TMEM229B: variants seen among roughly 807,000 people sequenced by gnomAD.
TMEM229B encodes the protein chromosome 14 open reading frame 83.
Under a neutral mutation model 13.7 loss-of-function variants are expected in TMEM229B, and 6 were observed. That is an observed-to-expected ratio of 0.44 (90% confidence interval 0.24 to 0.86). The LOEUF (loss-of-function observed/expected upper bound fraction) is 0.86, where lower values mean the gene tolerates loss of function less well. TMEM229B is among the 40% of genes least tolerant of loss of function. The pLI is 0.23. For synonymous variants in TMEM229B, 107 were observed against 102.1 expected (o/e 1.05, Z -0.29); for missense variants, 170 against 236.0 (o/e 0.72, Z 1.83).
chr14:67,470,965 A>C lies in TMEM229B; in HGVS notation c.*2455T>G, dbSNP rs1381229456. On this transcript the variant is annotated 3_prime_UTR_variant, in exon 3 of 3. Transcript: ENST00000554480. ...AAGGGATTGGGGCCCTGATACCCAAAAAAGCAAGAATTGAAGTCTGGGCTA... is the reference window on the plus strand; with the variant it reads ...AAGGGATTGGGGCCCTGATACCCAACAAAGCAAGAATTGAAGTCTGGGCTA... 3 of 152,214 alleles carry C rather than the reference A, an allele frequency of 2.0e-5. No homozygotes were observed. The highest frequency in any genetic ancestry group is 2.9e-5 in the Non-Finnish European group (2 of 68,064). 9.4% of individuals were successfully genotyped at this position (152,214 alleles called of 1,614,324 possible). A position where few individuals can be genotyped will look rare whatever the true frequency, so the allele number is the denominator to read the frequency against.
At chr14:67,497,435 C>T (rs573168740) in intron 1 of TMEM229B, among the ~76,000 whole-genome samples, 5 of 152,008 alleles carry the variant, frequency 3.3e-5, no homozygotes, top group African/African-American at 9.7e-5. Flanking sequence ...GAAGAACTGA[C>T]GGGCAGCTCC....
In TMEM229B at chr14:67,528,784, T is replaced by C. The variant is rs117140402; in HGVS notation, c.-192+4852A>G. On this transcript the variant is annotated intron_variant, in intron 1 of 2. Coordinates refer to the TMEM229B transcript ENST00000554278. ...AATTACATCAGTTCCGCCCTGGCAG[T>C]TGCTCTCTGAGAAAAATCACTCAAG... is the stretch of plus-strand genomic sequence containing the variant. Among the ~76,000 whole-genome samples the C allele has an allele frequency of 4.5e-3, 687 of 152,260 alleles. 21 individuals are homozygous for C. The East Asian group carries it at 0.065, about 14-fold the overall frequency.
chr14:67,480,073 T>C lies in TMEM229B; in HGVS notation c.-18-6132A>G, dbSNP rs570397941. Among the ~76,000 whole-genome samples the C allele has an allele frequency of 2.0e-5, 3 of 152,292 alleles. No homozygotes were observed. In the East Asian group the frequency reaches 5.8e-4, roughly 29 times the overall value. ...CGGAAGTAATGACCACAGAAGGCTG[T>C]TGTGAGGACGAATGAACTCGTACAT... On this transcript the variant is annotated intron_variant, in intron 2 of 2. Transcript: ENST00000554480.
At chr14:67,514,215 C>T (rs543453167) in intron 1 of TMEM229B, among the ~76,000 whole-genome samples, 3 of 152,294 alleles carry the variant, frequency 2.0e-5, no homozygotes, top group African/African-American at 7.2e-5. Flanking sequence ...AGCTCTGTAC[C>T]TAAGGCAGCC....
rs2140134860 is a variant in TMEM229B, at chr14:67,488,694, A to T, written c.-378T>A. 1 of 152,582 alleles carries T rather than the reference A, an allele frequency of 6.6e-6. No individual in the cohort carries two copies. Among genetic ancestry groups the T allele is most frequent in the Middle Eastern group, 3.4e-3 (1 of 296 alleles). 9.5% of individuals were successfully genotyped at this position (152,582 alleles called of 1,614,324 possible). ...AGACTTCTCCCCACCCTAGGCCCTCAGCCACATCCACGGCACAAGTCAGAA... is the reference window on the plus strand; with the variant it reads ...AGACTTCTCCCCACCCTAGGCCCTCTGCCACATCCACGGCACAAGTCAGAA... On this transcript the variant is annotated 5_prime_UTR_variant, in exon 1 of 3. Transcript: ENST00000554480.
At chr14:67,480,217 A>G (rs1303039689) in intron 2 of TMEM229B, among the ~76,000 whole-genome samples, 1 of 152,136 alleles carries the variant, frequency 6.6e-6, no homozygotes. Context: ...ATGCAGGGTC[A>G]CTGTGCCCCT....
chr14:67,496,216 CTATT>C (rs577563318), intron 1 of TMEM229B, among the ~76,000 whole-genome samples: 11 of 151,716 alleles, frequency 7.3e-5, no homozygotes, highest in Non-Finnish European at 1.0e-4. Flanking sequence ...AATTTTGTAT[CTATT>C]TATTTATTTA....
At position 67,472,024 on chromosome 14, in the gene TMEM229B, T is replaced by A. The variant is rs1230595363; in HGVS notation, c.*1396A>T. Reference sequence around the variant, plus strand: ...CTGTCCACTGCCAGCAATGGACCTGTCACAGGACAAAGTGGGGCAGGGGAA... The same window carrying A: ...CTGTCCACTGCCAGCAATGGACCTGACACAGGACAAAGTGGGGCAGGGGAA... On this transcript the variant is annotated 3_prime_UTR_variant, in exon 3 of 3. Coordinates refer to ENST00000554480, the MANE Select transcript of TMEM229B (RefSeq NM_001348543.2). 2.0e-5 allele frequency: 3 copies of A among 152,328 alleles called. No individual in the cohort carries two copies. The highest frequency in any genetic ancestry group is 2.0e-4 in the Admixed American group (3 of 15,286). The allele number at this position is 152,328 out of a possible 1,614,324, so 9.4% of individuals were successfully genotyped here. A position where few individuals can be genotyped will look rare whatever the true frequency, so the allele number is the denominator to read the frequency against.
chr14:67,525,117 A>G (rs188556985), intron 1 of TMEM229B, among the ~76,000 whole-genome samples: 73 of 152,348 alleles, frequency 4.8e-4, no homozygotes, highest in African/African-American at 1.4e-3. Context: ...AAATGCTTAC[A>G]TAATATAGAA....
At chr14:67,525,195 C>T (rs774967936) in intron 1 of TMEM229B, among the ~76,000 whole-genome samples, 12 of 152,134 alleles carry the variant, frequency 7.9e-5, no homozygotes, top group Non-Finnish European at 1.8e-4. Flanking sequence ...CTGTTAATCT[C>T]TGGGAAAAAT....
At chr14:67,492,480 A>T (rs935502121), upstream of TMEM229B, among the ~76,000 whole-genome samples, 68 of 152,322 alleles carry the variant, frequency 4.5e-4, no homozygotes, top group African/African-American at 1.6e-3. Context: ...TCACTGGCAA[A>T]GTGACCAGGA....
chr14:67,487,441 T>A (rs567633723), intron 1 of TMEM229B, among the ~76,000 whole-genome samples: 3 of 152,250 alleles, frequency 2.0e-5, no homozygotes, highest in Non-Finnish European at 4.4e-5. Flanking sequence ...TGAACACTTG[T>A]GAATCTGAGA....
intron 1 of TMEM229B, among the ~76,000 whole-genome samples, chr14:67,505,056 A>G (rs1435586969): frequency 2.0e-5 from 3 of 152,270 alleles, no homozygotes; most frequent in Admixed American, 1.3e-4. Flanking sequence ...AATTGACTCA[A>G]ATGAGTAGCT....
chr14:67,480,244 A>C (rs1333356317), intron 2 of TMEM229B, among the ~76,000 whole-genome samples: 1 of 152,068 alleles, frequency 6.6e-6, no homozygotes, highest in Admixed American at 6.5e-5. Flanking sequence ...GGCAGCCTCC[A>C]GGCAGCCCTT....
chr14:67,514,257 AAG>A (rs2033123857), intron 1 of TMEM229B, among the ~76,000 whole-genome samples: 1 of 152,192 alleles, frequency 6.6e-6, no homozygotes, highest in East Asian at 1.9e-4. Context: ...GGGGAAAGAA[AAG>A]AGACAGTCCC....
intron 1 of TMEM229B, among the ~76,000 whole-genome samples, chr14:67,498,778 G>A (rs2032491015): frequency 6.6e-6 from 1 of 152,052 alleles, no homozygotes; most frequent in Non-Finnish European, 1.5e-5. Flanking sequence ...CAATTCTCCT[G>A]TCTCAGTCTC....
intron 2 of TMEM229B, among the ~76,000 whole-genome samples, chr14:67,480,376 C>T (rs1036211050): frequency 6.6e-6 from 1 of 152,148 alleles, no homozygotes; most frequent in East Asian, 1.9e-4. Flanking sequence ...ACAGACATCC[C>T]GGGAGACTGA....
chr14:67,497,035 G>T (rs934219830), intron 1 of TMEM229B, among the ~76,000 whole-genome samples: 2 of 151,764 alleles, frequency 1.3e-5, no homozygotes, highest in South Asian at 4.2e-4. Context: ...CAGGTGATCG[G>T]CCCGCCTCAG....
chr14:67,524,140 T>C (rs1362994258), intron 1 of TMEM229B, among the ~76,000 whole-genome samples: 10 of 152,168 alleles, frequency 6.6e-5, no homozygotes, highest in Non-Finnish European at 1.5e-4. Flanking sequence ...GCTTTTGATA[T>C]TTATTTTTTT....
Sources: allele counts gnomAD v4.1 joint callset (sites outside exome capture counted in the v4.1 genomes callset), GRCh38; gene constraint gnomAD v4.1.1; transcripts MANE v1.5; gene names NCBI Gene and HGNC (gene_info 2026-07-23, HGNC 2026-07-21).